The following TTBK2 variants were observed in gnomAD, a reference collection of about 807,000 sequenced individuals.
TTBK2 encodes the protein tau tubulin kinase 2, also known as tau-tubulin kinase 2.
A neutral mutation model predicts 110.8 loss-of-function variants in TTBK2; 28 were observed. That is an observed-to-expected ratio of 0.25 (90% CI 0.19 to 0.35). The LOEUF (loss-of-function observed/expected upper bound fraction) is 0.35. Ranked by LOEUF, TTBK2 falls within the 10% of genes least tolerant of loss-of-function variation. TTBK2 has a pLI of 1.00. For synonymous variants in TTBK2, 532 were observed against 527.3 expected, an observed-to-expected ratio of 1.01 and a Z score of -0.12; for missense variants, 1,369 against 1,500.3, an observed-to-expected ratio of 0.91 and a Z score of 1.45.
At chr15:42,832,352 T>A (rs1892795810) in intron 4 of TTBK2, among the ~76,000 whole-genome samples, 1 of 152,172 alleles carries the variant, frequency 6.6e-6, no homozygotes, top group Non-Finnish European at 1.5e-5. Flanking sequence ...TAGTAATACT[T>A]TAAAAGATTT....
At chr15:42,818,840 T>C (rs2140953277) in intron 6 of TTBK2, among the ~76,000 whole-genome samples, 1 of 139,386 alleles carries the variant, frequency 7.2e-6, no homozygotes, top group Non-Finnish European at 1.6e-5. Flanking sequence ...CAGGCTGGAG[T>C]GCAGTGGTGC....
chr15:42,903,236 C>T (rs1033323763), intron 1 of TTBK2, among the ~76,000 whole-genome samples: 2 of 151,832 alleles, frequency 1.3e-5, no homozygotes, highest in African/African-American at 2.4e-5. Context: ...AATTCAGAGA[C>T]AGAAAGTAGA....
chr15:42,741,603 G>A lies in TTBK2; in HGVS notation c.*4192C>T, dbSNP rs1336788804. The A allele has an allele frequency of 1.3e-5, 2 of 152,204 alleles. No individual in the cohort carries two copies. The highest frequency in any genetic ancestry group is 4.8e-5 in the African/African-American group (2 of 41,460). 9.4% of individuals were successfully genotyped at this position (152,204 alleles called of 1,614,324 possible). ...ACAGAAATGGGCAGATTTTGAAAGT[G>A]AATGCAAACAACTTAATTCCAAAAT... On this transcript the variant is annotated 3_prime_UTR_variant, in exon 15 of 15. Transcript: ENST00000267890.
chr15:42,818,648 A>G (rs1301770015), intron 6 of TTBK2, among the ~76,000 whole-genome samples: 1 of 152,090 alleles, frequency 6.6e-6, no homozygotes, highest in African/African-American at 2.4e-5. Flanking sequence ...TGAACCCGGG[A>G]GGCGGAGCTT....
chr15:42,860,888 A>T (rs1434129402), intron 3 of TTBK2, among the ~76,000 whole-genome samples: 1 of 151,948 alleles, frequency 6.6e-6, no homozygotes, highest in Admixed American at 6.6e-5. Context: ...ACCTCAGGTG[A>T]TCCACCCACC....
chr15:42,815,034 T>A (rs540615789), intron 7 of TTBK2, among the ~76,000 whole-genome samples: 1 of 152,330 alleles, frequency 6.6e-6, no homozygotes, highest in South Asian at 2.1e-4. Context: ...TTAGAATCCC[T>A]GAAAATACTT....
At chr15:42,797,143 A>G (rs1250923228) in intron 9 of TTBK2, among the ~76,000 whole-genome samples, 1 of 152,196 alleles carries the variant, frequency 6.6e-6, no homozygotes, top group East Asian at 1.9e-4. Context: ...GTTCTCACAG[A>G]GTGAGATGCA....
rs1282536946 is a variant in TTBK2, at chr15:42,744,548, A to G, written c.*1247T>C. 6.6e-6 allele frequency: 1 copy of G among 152,174 alleles called. No individual in the cohort carries two copies. Among genetic ancestry groups the G allele is most frequent in the African/African-American group, 2.4e-5 (1 of 41,456 alleles). 9.4% of individuals were successfully genotyped at this position (152,174 alleles called of 1,614,324 possible). A position where few individuals can be genotyped will look rare whatever the true frequency, so the allele number is the denominator to read the frequency against. ...GTAGACTTTCATTTGCCTGATTCCT[A>G]TTAGAAGAGTGAGATTAGAACAAAT... is the stretch of plus-strand genomic sequence containing the variant. On this transcript the variant is annotated 3_prime_UTR_variant, in exon 15 of 15. Transcript: ENST00000267890.
intron 3 of TTBK2, among the ~76,000 whole-genome samples, chr15:42,861,683 G>GA (rs896697111): frequency 2.1e-4 from 30 of 144,682 alleles, no homozygotes; most frequent in South Asian, 6.5e-4. Flanking sequence ...GCATAGAATA[G>GA]AAAAAAAAAG....
chr15:42,763,951 T>C (rs1265489941), intron 13 of TTBK2, among the ~76,000 whole-genome samples: 4 of 152,322 alleles, frequency 2.6e-5, no homozygotes, highest in Middle Eastern at 3.4e-3. Context: ...TATAAAAATT[T>C]TGTGGGACTA....
chr15:42,903,400 A>G (rs1450864883), intron 1 of TTBK2, among the ~76,000 whole-genome samples: 3 of 152,252 alleles, frequency 2.0e-5, no homozygotes, highest in Admixed American at 6.5e-5. Flanking sequence ...TGAACTGTAC[A>G]CTTAAAAATG....
chr15:42,852,252 A>G (rs1893749639), intron 3 of TTBK2, among the ~76,000 whole-genome samples: 1 of 152,014 alleles, frequency 6.6e-6, no homozygotes, highest in Non-Finnish European at 1.5e-5. Flanking sequence ...TATTGTTAGT[A>G]GAGACGGGGT....
intron 1 of TTBK2, among the ~76,000 whole-genome samples, chr15:42,907,100 A>G (rs2030447148): frequency 6.6e-6 from 1 of 152,162 alleles, no homozygotes; most frequent in Non-Finnish European, 1.5e-5. Flanking sequence ...GAGAAATGTA[A>G]ATCAAAACCT....
chr15:42,824,286 T>A (rs557380129), intron 6 of TTBK2, among the ~76,000 whole-genome samples: 69 of 152,268 alleles, frequency 4.5e-4, no homozygotes, highest in Non-Finnish European at 5.0e-4. Context: ...ATACATGTGA[T>A]AAAATTTCAT....
At chr15:42,748,463 A>G (rs1199750390) in intron 14 of TTBK2, among the ~76,000 whole-genome samples, 1 of 150,748 alleles carries the variant, frequency 6.6e-6, no homozygotes, top group African/African-American at 2.4e-5. Flanking sequence ...TCTCAAAAGA[A>G]AAAAAAAAAA....
At chr15:42,816,643 C>T (rs1047780288) in intron 7 of TTBK2, among the ~76,000 whole-genome samples, 17 of 152,100 alleles carry the variant, frequency 1.1e-4, no homozygotes, top group Non-Finnish European at 2.4e-4. Flanking sequence ...GCACTTTCCA[C>T]ATCTTTGTAC....
At chr15:42,841,089 T>C (rs1173222993) in intron 3 of TTBK2, among the ~76,000 whole-genome samples, 3 of 152,252 alleles carry the variant, frequency 2.0e-5, no homozygotes, top group Non-Finnish European at 4.4e-5. Flanking sequence ...ACTTTATTTT[T>C]GTTTTTTGAC....
In TTBK2 at chr15:42,752,577, G is replaced by A. The variant is rs746558004; in HGVS notation, c.2669C>T (p.Pro890Leu). 1.2e-6 allele frequency: 2 copies of A among 1,613,932 alleles called. No homozygotes were observed. The highest frequency in any genetic ancestry group is 4.5e-5 in the East Asian group (2 of 44,888). The part of the protein sequence containing the change: ...KDDDIMSEDL[P>L]GHQGDLSTFL... ...AGTAGAGAGGTCTCCTTGATGACCT[G>A]GCAAGTCTTCACTCATGATGTCATC... Residue 890 changes from proline (P) to leucine (L), a missense_variant, in exon 14 of 15, where the codon CCA becomes CTA. Physicochemically the swap from Pro to Leu is moderately conservative, Grantham distance 98. Transcript: ENST00000267890.
rs772496891 is a variant in TTBK2, at chr15:42,777,083, T to C, written c.1357A>G (p.Lys453Glu). The change falls in exon 12 of 15, where the codon AAA becomes GAA. Residue 453 changes from lysine (K) to glutamate (E), a missense_variant. Transcript: ENST00000267890. Reference protein sequence around the residue: ...LRSIHSFELEKRLTLEPKPDT... With the variant: ...LRSIHSFELEERLTLEPKPDT... ...GGCTTTGGCTCCAGGGTCAGACGTT[T>C]TTCCAGCTCAAAGCTGTGAATGGAA... 24 of 1,614,072 alleles carry C rather than the reference T, an allele frequency of 1.5e-5. No homozygotes were observed. Among genetic ancestry groups the C allele is most frequent in the African/African-American group, 2.7e-5 (2 of 74,912 alleles).
Sources: gnomAD v4.1 joint callset for allele counts (sites outside exome capture counted in the v4.1 genomes callset) on GRCh38, gnomAD v4.1.1 for gene constraint, MANE v1.5 for transcripts, NCBI Gene and HGNC (gene_info 2026-07-23, HGNC 2026-07-21) for gene names.